Variants in CDH23 observed in about 807,000 individuals in gnomAD.
The protein encoded by CDH23 is cadherin related 23, also known as cadherin-23.
CDH23 carries 189 observed loss-of-function variants against 317.1 expected under a neutral mutation model. The observed-to-expected ratio is 0.60, with a 90% CI of 0.53 to 0.67. The LOEUF (loss-of-function observed/expected upper bound fraction) is 0.67, where lower values mean the gene tolerates loss of function less well. Ranked by LOEUF, CDH23 falls within the 30% of genes least tolerant of loss-of-function variation. The probability of loss-of-function intolerance (pLI) is 0.00; values close to 1 mark genes in which losing one functional copy is unlikely to be tolerated. For synonymous variants in CDH23, 1,839 were observed against 1,876.8 expected, an observed-to-expected ratio of 0.98 and a Z score of 0.52; for missense variants, 4,401 against 4,592.4, an observed-to-expected ratio of 0.96 and a Z score of 1.20.
intron 1 of CDH23, among the ~76,000 whole-genome samples, chr10:71,407,776 G>C (rs902606858): frequency 1.3e-5 from 2 of 152,200 alleles, no homozygotes; most frequent in African/African-American, 2.4e-5. Flanking sequence ...CAGTGAAATA[G>C]GTGTGAATAA....
chr10:71,404,365 C>T (rs980291382), intron 1 of CDH23, among the ~76,000 whole-genome samples: 2 of 152,212 alleles, frequency 1.3e-5, no homozygotes, highest in Non-Finnish European at 2.9e-5. Context: ...TTTAAATTTA[C>T]GTGAGCCTGC....
At chr10:71,514,402 T>TC (rs1028449880) in intron 6 of CDH23, among the ~76,000 whole-genome samples, 17 of 152,148 alleles carry the variant, frequency 1.1e-4, no homozygotes, top group African/African-American at 4.1e-4. Flanking sequence ...GGGTAGCCAA[T>TC]CTTGGATGTG....
chr10:71,493,337 G>C (rs1852772350), intron 3 of CDH23, among the ~76,000 whole-genome samples: 1 of 152,110 alleles, frequency 6.6e-6, no homozygotes, highest in African/African-American at 2.4e-5. Context: ...GATCCGGGCA[G>C]AAATCATCTA....
intron 14 of CDH23, among the ~76,000 whole-genome samples, chr10:71,665,909 A>C (rs1863873078): frequency 6.6e-6 from 1 of 152,234 alleles, no homozygotes; most frequent in African/African-American, 2.4e-5. Context: ...ACAGGATAGC[A>C]AAGATGCGTT....
At chr10:71,783,272 G>A (rs988107664) in intron 41 of CDH23, among the ~76,000 whole-genome samples, 1 of 152,176 alleles carries the variant, frequency 6.6e-6, no homozygotes, top group Non-Finnish European at 1.5e-5. Flanking sequence ...CTCTCCAGCT[G>A]GGCTCACGCT....
intron 11 of CDH23, among the ~76,000 whole-genome samples, chr10:71,635,592 G>T (rs1373552424): frequency 1.3e-5 from 2 of 152,098 alleles, no homozygotes; most frequent in Admixed American, 6.5e-5. Flanking sequence ...GGAGGGAGGG[G>T]AGGCTGGCTG....
chr10:71,684,164 G>A (rs1864777061), intron 18 of CDH23, among the ~76,000 whole-genome samples: 1 of 151,886 alleles, frequency 6.6e-6, no homozygotes, highest in Non-Finnish European at 1.5e-5. Context: ...AACACCGAGG[G>A]TAGGGAACGA....
intron 24 of CDH23, among the ~76,000 whole-genome samples, chr10:71,703,029 G>A (rs190149897): frequency 3.9e-5 from 6 of 152,312 alleles, no homozygotes; most frequent in East Asian, 1.9e-4. Flanking sequence ...CCAGATGAGT[G>A]TAGCCCTGGG....
chr10:71,456,258 G>A (rs1460560692), intron 3 of CDH23, among the ~76,000 whole-genome samples: 2 of 151,192 alleles, frequency 1.3e-5, no homozygotes, highest in African/African-American at 4.9e-5. Flanking sequence ...CAGGGCTTTG[G>A]GCTCTTGGTG....
At position 71,791,122 on chromosome 10, in the gene CDH23, C is replaced by G; in HGVS notation, c.6050-10C>G. On this transcript the variant is annotated splice_polypyrimidine_tract_variant and intron_variant, in intron 46 of 69. Coordinates refer to ENST00000224721, the MANE Select transcript of CDH23 (RefSeq NM_022124.6). ...TGTGTGTTTCCCTGGCTGGCGGCAC[C>G]GGGTGCCAGGTGTGGTGACCGTGAG... The G allele has an allele frequency of 1.3e-6, 2 of 1,597,060 alleles. No homozygotes were observed. The highest frequency in any genetic ancestry group is 1.7e-6 in the Non-Finnish European group (2 of 1,172,014).
chr10:71,742,472 T>A (rs1839764616), intron 38 of CDH23, among the ~76,000 whole-genome samples: 1 of 152,216 alleles, frequency 6.6e-6, no homozygotes, highest in Non-Finnish European at 1.5e-5. Context: ...GTTCAAAGTT[T>A]GCCAGGTGAG....
intron 1 of CDH23, among the ~76,000 whole-genome samples, chr10:71,400,839 A>G (rs1025953646): frequency 5.3e-5 from 8 of 152,178 alleles, no homozygotes; most frequent in Admixed American, 3.3e-4. Context: ...ATTTAAAAAT[A>G]ACTAGGTTAA....
chr10:71,773,478 G>A, intron 38 of CDH23: 3 of 1,554,290 alleles, frequency 1.9e-6, no homozygotes, highest in Non-Finnish European at 2.6e-6. Context: ...TGGTGCCGGG[G>A]AGCGGGCGGG....
chr10:71,518,557 C>T (rs1425270906), intron 6 of CDH23, among the ~76,000 whole-genome samples: 2 of 152,184 alleles, frequency 1.3e-5, no homozygotes, highest in Non-Finnish European at 2.9e-5. Context: ...GACCCAGCCA[C>T]GGTCATAGTG....
intron 6 of CDH23, among the ~76,000 whole-genome samples, chr10:71,555,321 C>T (rs1015228357): frequency 1.3e-5 from 2 of 152,192 alleles, no homozygotes; most frequent in East Asian, 1.9e-4. Context: ...ACCGTCACCA[C>T]GGCCCTCCCT....
intron 47 of CDH23, among the ~76,000 whole-genome samples, chr10:71,791,575 T>C (rs1054480162): frequency 1.3e-5 from 2 of 151,542 alleles, no homozygotes; most frequent in Admixed American, 6.6e-5. Flanking sequence ...TTTTCTTTTC[T>C]TTTCTTTTTT....
At chr10:71,798,978 G>A in intron 50 of CDH23, 133 bp from the exon 51 acceptor site, 1 of 776,740 alleles carries the variant, frequency 1.3e-6, no homozygotes, top group Non-Finnish European at 2.1e-6. Context: ...CTGCAACTGG[G>A]TGGTGCTGCC....
chr10:71,739,109 G>C (rs916615131), intron 35 of CDH23, among the ~76,000 whole-genome samples: 1 of 152,194 alleles, frequency 6.6e-6, no homozygotes, highest in African/African-American at 2.4e-5. Flanking sequence ...CCGTGTGTTT[G>C]CGGGTGTTAG....
chr10:71,634,301 C>T (rs904130924), intron 11 of CDH23, among the ~76,000 whole-genome samples: 1 of 152,236 alleles, frequency 6.6e-6, no homozygotes, highest in Admixed American at 6.5e-5. Flanking sequence ...TGGGACAGGC[C>T]TGGGTGCACA....
Sources: gnomAD v4.1 joint callset for allele counts (sites outside exome capture counted in the v4.1 genomes callset) on GRCh38, gnomAD v4.1.1 for gene constraint, MANE v1.5 for transcripts, NCBI Gene and HGNC (gene_info 2026-07-23, HGNC 2026-07-21) for gene names.